SHISAL1: variants seen among roughly 807,000 people sequenced by gnomAD.
SHISAL1 encodes the protein protein shisa-like-1.
Under a neutral mutation model 22.6 loss-of-function variants are expected in SHISAL1, and 9 were observed. The ratio of observed to expected loss-of-function variants is 0.40; its 90% CI spans 0.24 to 0.70. The LOEUF is 0.70. Among genes scored for constraint, SHISAL1 ranks in the 30% least tolerant of loss-of-function variants. SHISAL1 has a pLI of 0.39. For missense variants in SHISAL1, 246 were observed against 270.6 expected (o/e 0.91, Z 0.64); for synonymous variants, 119 against 115.4 (o/e 1.03, Z -0.20).
the SHISAL1 span, among the ~76,000 whole-genome samples, chr22:44,330,742 C>A: frequency 6.6e-6 from 1 of 152,132 alleles, no homozygotes; most frequent in Non-Finnish European, 1.5e-5. Context: ...AACCTCGAGA[C>A]GCTTGGGGTC....
At chr22:44,257,304 G>C (rs765513360) in intron 4 of SHISAL1, among the ~76,000 whole-genome samples, 4 of 152,222 alleles carry the variant, frequency 2.6e-5, no homozygotes, top group Non-Finnish European at 5.9e-5. Flanking sequence ...TCACTGAAGT[G>C]TCTATCAGCA....
intron 1 of SHISAL1, among the ~76,000 whole-genome samples, chr22:44,307,556 T>C (rs896332644): frequency 3.9e-5 from 6 of 152,164 alleles, no homozygotes; most frequent in East Asian, 1.9e-4. Context: ...AAGATGGTAG[T>C]CCGTGGCCAA....
At position 44,310,336 on chromosome 22, in the gene SHISAL1, A is replaced by T. The variant is rs6519839; in HGVS notation, c.-33+2415T>A. Among the ~76,000 whole-genome samples, 7,244 of 152,342 alleles carry T rather than the reference A, an allele frequency of 0.048. 237 individuals are homozygous for T. The highest frequency in any genetic ancestry group is 0.063 in the Non-Finnish European group (4,286 of 68,034). ...AGATAAATAAACCACAGCTCAGAGA[A>T]ACTAAGTGATTGCCCAGAGCTGGAG... On this transcript the variant is annotated intron_variant, in intron 1 of 4. Coordinates refer to ENST00000381176, the MANE Select transcript of SHISAL1 (RefSeq NM_001099294.2). This position sits in a 1 kb window ranked among gnomAD's most constrained non-coding sequence, Gnocchi z 4.0.
At chr22:44,262,754 G>A (rs1009433403) in intron 4 of SHISAL1, among the ~76,000 whole-genome samples, 32 of 152,338 alleles carry the variant, frequency 2.1e-4, no homozygotes, top group African/African-American at 7.5e-4. Context: ...AGCTGAGCCT[G>A]GAACCAGGAG....
Position 44,296,876 on chromosome 22 carries a change from G to A in SHISAL1, c.77C>T (p.Ala26Val), listed in dbSNP as rs1377307018. The change falls in exon 3 of 5, where the codon GCA becomes GTA. Residue 26 changes from alanine to valine, a missense_variant. Around this residue, in one of 2 missense-constraint regions of SHISAL1, gnomAD observed 110 missense variants for 153.1 expected, o/e 0.72. Coordinates refer to ENST00000381176, the MANE Select transcript of SHISAL1 (RefSeq NM_001099294.2). ...FSLLFSAVLS[A>V]HFRVCEPYTD... is the part of the protein sequence containing the mutation. Reference sequence around the variant, plus strand: ...GTATGGTTCACAGACCCGGAAATGTGCAGACAAGACTGGAAGACAGAGTCA... The same window carrying A: ...GTATGGTTCACAGACCCGGAAATGTACAGACAAGACTGGAAGACAGAGTCA... 6.2e-7 allele frequency: 1 copy of A among 1,611,952 alleles called. No individual in the cohort carries two copies. The highest frequency in any genetic ancestry group is 1.7e-5 in the Admixed American group (1 of 60,024).
chr22:44,306,424 G>A (rs1311353236), intron 1 of SHISAL1, among the ~76,000 whole-genome samples: 1 of 144,196 alleles, frequency 6.9e-6, no homozygotes, highest in Non-Finnish European at 1.5e-5. Context: ...GTGCAGAGGG[G>A]ACCTGGGCTC....
rs1453672483 is a variant in SHISAL1 at position 44,285,560 on chromosome 22, G to T, written c.467C>A (p.Pro156His). 1.9e-6 allele frequency: 3 copies of T among 1,593,106 alleles called. No individual in the cohort carries two copies. Among genetic ancestry groups the T allele is most frequent in the Non-Finnish European group, 2.6e-6 (3 of 1,162,516 alleles). The part of the protein sequence containing the change: ...PRRWGNPARA[P>H]RPGQRAPQPQ... ...CTGTGGGGCCCGCTGACCCGGCCGA[G>T]GGGCCCGAGCGGGGTTCCCCCACCG... Residue 156 changes from proline to histidine, a missense_variant, in exon 4 of 5, where the codon CCT becomes CAT. Coordinates refer to ENST00000381176, the MANE Select transcript of SHISAL1 (RefSeq NM_001099294.2).
intron 1 of SHISAL1, among the ~76,000 whole-genome samples, chr22:44,301,556 A>G (rs1187103112): frequency 6.6e-6 from 1 of 152,186 alleles, no homozygotes; most frequent in East Asian, 1.9e-4. Context: ...TTCTGAGTAC[A>G]TATCCCAAGG....
intron 4 of SHISAL1, among the ~76,000 whole-genome samples, chr22:44,273,662 T>C (rs780735472): frequency 3.2e-4 from 49 of 152,354 alleles, no homozygotes; most frequent in Middle Eastern, 3.4e-3. Context: ...GCTATGGTAT[T>C]GCTTACAGCA....
At chr22:44,322,024 C>T in the SHISAL1 span, among the ~76,000 whole-genome samples, 1 of 152,098 alleles carries the variant, frequency 6.6e-6, no homozygotes, top group African/African-American at 2.4e-5. Context: ...GTGTGGTGAC[C>T]CTGAGGCCCC....
In SHISAL1 at chr22:44,259,412, C is replaced by T. The variant is rs189839582; in HGVS notation, c.*-9727G>A. ...GATATCGCGCCACTGCACTCCAGCT[C>T]GGGCGACAGTGCAAGACTCTGTCTA... On this transcript the variant is annotated intron_variant, in intron 4 of 4. Transcript: ENST00000381176. 1.3e-3 allele frequency among the ~76,000 whole-genome samples: 199 copies of T among 150,714 alleles called. 2 individuals carry two copies. Among genetic ancestry groups the T allele is most frequent in the African/African-American group, 4.7e-3 (193 of 40,956 alleles).
intron 4 of SHISAL1, among the ~76,000 whole-genome samples, chr22:44,273,901 GT>G (rs1448860623): frequency 6.6e-6 from 1 of 152,164 alleles, no homozygotes; most frequent in African/African-American, 2.4e-5. Flanking sequence ...AAGGACAGGT[GT>G]TTTATCTCAA....
intron 1 of SHISAL1, among the ~76,000 whole-genome samples, chr22:44,302,075 C>G (rs1173159392): frequency 6.6e-6 from 1 of 152,162 alleles, no homozygotes. Flanking sequence ...CCACACCACC[C>G]AGGCGTTGTA....
intron 4 of SHISAL1, among the ~76,000 whole-genome samples, chr22:44,254,972 C>T (rs1453243907): frequency 6.6e-6 from 1 of 152,070 alleles, no homozygotes; most frequent in Non-Finnish European, 1.5e-5. Context: ...ATTCTCAGTC[C>T]CCCTTTCACT....
intron 4 of SHISAL1, among the ~76,000 whole-genome samples, chr22:44,272,523 C>T (rs993227336): frequency 1.3e-5 from 2 of 152,214 alleles, no homozygotes; most frequent in African/African-American, 4.8e-5. Flanking sequence ...GTCTGGGCTG[C>T]ATCCATGCAA....
In SHISAL1 at chr22:44,243,839, C is replaced by G. The variant is rs1302845786; in HGVS notation, c.*5846G>C. The G allele has an allele frequency of 6.6e-6, 1 of 152,232 alleles. No homozygotes were observed. 9.4% of individuals were successfully genotyped at this position (152,232 alleles called of 1,614,324 possible). ...TGGTTTTGGTTTTCCCGGTTATCAGCTCTCAGGGAGACCCCATGCCTGCTC... is the reference window on the plus strand; with the variant it reads ...TGGTTTTGGTTTTCCCGGTTATCAGGTCTCAGGGAGACCCCATGCCTGCTC... On this transcript the variant is annotated 3_prime_UTR_variant, in exon 5 of 5. Coordinates refer to ENST00000381176, the MANE Select transcript of SHISAL1 (RefSeq NM_001099294.2).
intron 4 of SHISAL1, among the ~76,000 whole-genome samples, chr22:44,261,163 AAT>A (rs2055121825): frequency 6.7e-6 from 1 of 148,426 alleles, no homozygotes; most frequent in Non-Finnish European, 1.5e-5. Flanking sequence ...AAAAAAAAAA[AAT>A]TCTACTTATA....
chr22:44,290,923 G>A (rs2055348594), intron 3 of SHISAL1, among the ~76,000 whole-genome samples: 1 of 152,182 alleles, frequency 6.6e-6, no homozygotes, highest in Non-Finnish European at 1.5e-5. Flanking sequence ...TAGGGCAGTG[G>A]CGGTGTGTGG....
chr22:44,319,921 G>A, the SHISAL1 span, among the ~76,000 whole-genome samples: 26 of 152,068 alleles, frequency 1.7e-4, no homozygotes, highest in Admixed American at 3.3e-4. Flanking sequence ...GATGGGCGGC[G>A]GGGTGGGTGG....
Sources: allele counts gnomAD v4.1 joint callset (sites outside exome capture counted in the v4.1 genomes callset), GRCh38; gene constraint gnomAD v4.1.1; regional missense constraint gnomAD v4.1.1; non-coding constraint Gnocchi (gnomAD v3.1); transcripts MANE v1.5; gene names NCBI Gene and HGNC (gene_info 2026-07-23, HGNC 2026-07-21).